The following ERC2 variants were observed in gnomAD, a reference collection of about 807,000 sequenced individuals.
ERC2 encodes ERC protein 2.
In ERC2, 42 loss-of-function variants were observed where a neutral mutation model predicts 114.8. The observed-to-expected ratio is 0.37, with a 90% confidence interval of 0.29 to 0.47. The LOEUF (loss-of-function observed/expected upper bound fraction) is 0.47. ERC2 is among the 20% of genes least tolerant of loss of function. ERC2 has a pLI of 0.99. For synonymous variants in ERC2, 454 were observed against 425.5 expected, an observed-to-expected ratio of 1.07 and a Z score of -0.82; for missense variants, 939 against 1,150.7, an observed-to-expected ratio of 0.82 and a Z score of 2.66.
chr3:55,819,034 A>AT (rs1575704022), intron 14 of ERC2, among the ~76,000 whole-genome samples: 3 of 152,150 alleles, frequency 2.0e-5, no homozygotes, highest in Non-Finnish European at 4.4e-5. Flanking sequence ...ATAGAAATTC[A>AT]TTTTTCTGCA....
intron 3 of ERC2, among the ~76,000 whole-genome samples, chr3:56,281,423 C>A (rs2054336898): frequency 4.4e-5 from 2 of 45,080 alleles, no homozygotes; most frequent in African/African-American, 6.5e-5. Flanking sequence ...GGTGACAGAG[C>A]AAGACTCCGT....
intron 7 of ERC2, among the ~76,000 whole-genome samples, chr3:56,060,633 C>T (rs538135702): frequency 6.6e-6 from 1 of 152,324 alleles, no homozygotes; most frequent in South Asian, 2.1e-4. Context: ...ACCTCCTGGC[C>T]TGCCAAGCTT....
chr3:55,920,512 C>T (rs2065362960), intron 13 of ERC2, among the ~76,000 whole-genome samples: 1 of 151,814 alleles, frequency 6.6e-6, no homozygotes, highest in Non-Finnish European at 1.5e-5. Context: ...ATGGGCTTCA[C>T]TGAAAAGGAC....
chr3:56,013,449 A>C (rs991680038), intron 8 of ERC2, among the ~76,000 whole-genome samples: 20 of 152,196 alleles, frequency 1.3e-4, no homozygotes, highest in Admixed American at 4.6e-4. Flanking sequence ...AAGCACAAAG[A>C]TCTTTGAGTT....
intron 14 of ERC2, among the ~76,000 whole-genome samples, chr3:55,847,649 AT>A (rs1304230371): frequency 1.3e-5 from 2 of 152,180 alleles, no homozygotes. Flanking sequence ...TTATATACAT[AT>A]GGTGCCGGGA....
intron 13 of ERC2, among the ~76,000 whole-genome samples, chr3:55,929,244 T>A (rs1355697076): frequency 6.6e-6 from 1 of 152,054 alleles, no homozygotes; most frequent in Non-Finnish European, 1.5e-5. Flanking sequence ...AACAGAGAGC[T>A]CCCCCTAAAA....
chr3:55,779,160 C>A (rs545342532), intron 14 of ERC2, among the ~76,000 whole-genome samples: 118 of 151,938 alleles, frequency 7.8e-4, no homozygotes, highest in African/African-American at 2.7e-3. Flanking sequence ...CTTTCAAGAA[C>A]AGACCAATGT....
chr3:55,712,392 G>A (rs1341331528), intron 15 of ERC2, among the ~76,000 whole-genome samples: 1 of 152,174 alleles, frequency 6.6e-6, no homozygotes, highest in East Asian at 1.9e-4. Context: ...AGGGGGGAAA[G>A]TGGTAGGTAG....
At chr3:55,729,249 T>C (rs941493932) in intron 15 of ERC2, among the ~76,000 whole-genome samples, 3 of 152,202 alleles carry the variant, frequency 2.0e-5, no homozygotes, top group Admixed American at 6.5e-5. Flanking sequence ...GCCAGCCATA[T>C]TGGGCTCCTT....
intron 17 of ERC2, among the ~76,000 whole-genome samples, chr3:55,678,685 T>C (rs1159451270): frequency 6.6e-6 from 1 of 152,154 alleles, no homozygotes; most frequent in African/African-American, 2.4e-5. Context: ...TGCAGGAACA[T>C]GGAAAACAGC....
At chr3:56,383,554 T>C (rs975033246) in intron 2 of ERC2, among the ~76,000 whole-genome samples, 9 of 152,212 alleles carry the variant, frequency 5.9e-5, no homozygotes, top group African/African-American at 2.2e-4. Context: ...TAGTGGATAC[T>C]CAACAAAATG....
At chr3:56,315,202 G>A (rs2056805555) in intron 2 of ERC2, among the ~76,000 whole-genome samples, 1 of 152,080 alleles carries the variant, frequency 6.6e-6, no homozygotes, top group African/African-American at 2.4e-5. Flanking sequence ...GATTTTTTCA[G>A]ATTTGACATT....
chr3:56,334,939 G>T (rs540403779), intron 2 of ERC2, among the ~76,000 whole-genome samples: 4 of 152,222 alleles, frequency 2.6e-5, no homozygotes, highest in African/African-American at 9.6e-5. Context: ...CAAGTAGCTG[G>T]GACTACAGGC....
chr3:56,235,738 T>C (rs2050900237), intron 3 of ERC2, among the ~76,000 whole-genome samples: 1 of 152,178 alleles, frequency 6.6e-6, no homozygotes, highest in Admixed American at 6.5e-5. Flanking sequence ...TTTACATAAT[T>C]AAATGTGAAA....
At chr3:56,026,139 T>C (rs1203558223) in intron 7 of ERC2, among the ~76,000 whole-genome samples, 4 of 133,764 alleles carry the variant, frequency 3.0e-5, no homozygotes, top group South Asian at 2.6e-4. Context: ...GATCTCGGCC[T>C]CCCGGGTTCA....
At chr3:56,404,831 G>A (rs9844598) in intron 2 of ERC2, among the ~76,000 whole-genome samples, 60,940 of 151,906 alleles carry the variant, frequency 0.4, 12,727 homozygotes, top group Admixed American at 0.52. Context: ...TATACAGCAC[G>A]TGCTATATAA....
chr3:55,841,222 G>A (rs563331499), intron 14 of ERC2, among the ~76,000 whole-genome samples: 1 of 152,248 alleles, frequency 6.6e-6, no homozygotes, highest in East Asian at 1.9e-4. Context: ...ATCTTGAATT[G>A]TAGCTCCCAT....
rs187771725 is a variant in ERC2 at position 56,154,420 on chromosome 3, C to T, written c.1150-5288G>A. Among the ~76,000 whole-genome samples the T allele has an allele frequency of 2.0e-5, 3 of 152,176 alleles. No individual in the cohort carries two copies. The East Asian group carries it at 5.8e-4, about 29-fold the overall frequency. The stretch of plus-strand genomic sequence containing the variant: ...GATCAAATGAAAAGCAACTAGGGTG[C>T]TTTGATGTTTCTTTTCCTGGTCTTA... On this transcript the variant is annotated intron_variant, in intron 4 of 17. Transcript: ENST00000288221.
At chr3:56,175,637 T>A (rs993150594) in intron 3 of ERC2, among the ~76,000 whole-genome samples, 1 of 152,090 alleles carries the variant, frequency 6.6e-6, no homozygotes, top group Admixed American at 6.5e-5. Flanking sequence ...AGTAGGCTGC[T>A]GGAAATTAAA....
Sources: gnomAD v4.1 joint callset for allele counts (sites outside exome capture counted in the v4.1 genomes callset) on GRCh38, gnomAD v4.1.1 for gene constraint, MANE v1.5 for transcripts, NCBI Gene and HGNC (gene_info 2026-07-23, HGNC 2026-07-21) for gene names.